Variants in PCDH15 observed in about 807,000 individuals in gnomAD.
PCDH15 encodes the protein protocadherin-15.
A neutral mutation model predicts 178.5 loss-of-function variants in PCDH15; 129 were observed. That is an observed-to-expected ratio of 0.72 (90% CI 0.63 to 0.84). PCDH15 has a LOEUF of 0.84. Ranked by LOEUF, PCDH15 falls within the 40% of genes least tolerant of loss-of-function variation. PCDH15 has a pLI of 0.00. For synonymous variants in PCDH15, 800 were observed against 732.0 expected, an observed-to-expected ratio of 1.09 and a Z score of -1.50; for missense variants, 2,230 against 2,099.9, an observed-to-expected ratio of 1.06 and a Z score of -1.21.
At position 54,696,910 on chromosome 10, in the gene PCDH15, C is replaced by A. The variant is rs539825455; in HGVS notation, c.-28-32620G>T. On this transcript the variant is annotated intron_variant, in intron 1 of 37. Transcript: ENST00000644397. ...ATGTGTATTTTTCCCCAACATCTCCCCTGACCATCAGGCTGTCATCTTATA... is the reference window on the plus strand; with the variant it reads ...ATGTGTATTTTTCCCCAACATCTCCACTGACCATCAGGCTGTCATCTTATA... Among the ~76,000 whole-genome samples the A allele has an allele frequency of 1.1e-4, 17 of 152,082 alleles. No homozygotes were observed. The South Asian group carries it at 3.5e-3, about 32-fold the overall frequency.
At chr10:55,589,410 C>T (rs904990282) in intron 2 of PCDH15, among the ~76,000 whole-genome samples, 7 of 151,992 alleles carry the variant, frequency 4.6e-5, no homozygotes, top group African/African-American at 1.4e-4. Context: ...TTCCATTGAT[C>T]TTCATGTCTA....
At chr10:55,017,706 C>T (rs1412940985) in intron 2 of PCDH15, among the ~76,000 whole-genome samples, 4 of 151,804 alleles carry the variant, frequency 2.6e-5, no homozygotes, top group African/African-American at 9.7e-5. Context: ...TATCTAGTGG[C>T]TACAACATGT....
At chr10:54,689,238 G>C (rs1228573248) in intron 1 of PCDH15, among the ~76,000 whole-genome samples, 6 of 152,034 alleles carry the variant, frequency 3.9e-5, no homozygotes, top group Non-Finnish European at 8.8e-5. Context: ...TAAAGTTTAT[G>C]AGCTAAGTGA....
At chr10:55,467,987 A>ATT in intron 2 of PCDH15, among the ~76,000 whole-genome samples, 1 of 148,438 alleles carries the variant, frequency 6.7e-6, no homozygotes, top group African/African-American at 2.5e-5. Flanking sequence ...AAAAAAAAAA[A>ATT]AAAAGAATTA....
chr10:55,533,866 A>G (rs1841512151), intron 2 of PCDH15, among the ~76,000 whole-genome samples: 1 of 152,076 alleles, frequency 6.6e-6, no homozygotes, highest in African/African-American at 2.4e-5. Context: ...ACAGCATAGT[A>G]TTGCTACAAA....
At chr10:54,946,002 T>C (rs1838189866) in intron 2 of PCDH15, among the ~76,000 whole-genome samples, 3 of 151,824 alleles carry the variant, frequency 2.0e-5, no homozygotes, top group Admixed American at 2.0e-4. Context: ...GTCAGTTAAT[T>C]TACCCTGAGA....
chr10:55,283,436 CCAGCT>C (rs1162080173), intron 1 of PCDH15, among the ~76,000 whole-genome samples: 4 of 152,046 alleles, frequency 2.6e-5, no homozygotes, highest in Admixed American at 2.6e-4. Context: ...TCTGGTACAG[CCAGCT>C]CTGCATGAAT....
chr10:55,277,954 A>G (rs1033776385), intron 1 of PCDH15, among the ~76,000 whole-genome samples: 3 of 152,140 alleles, frequency 2.0e-5, no homozygotes, highest in Non-Finnish European at 4.4e-5. Flanking sequence ...TTTCATTATT[A>G]CAGTCATTAG....
intron 3 of PCDH15, among the ~76,000 whole-genome samples, chr10:54,492,322 A>C (rs1341465834): frequency 6.6e-6 from 1 of 152,182 alleles, no homozygotes; most frequent in Non-Finnish European, 1.5e-5. Context: ...CAGCTGTCTG[A>C]GGCAAATACT....
At chr10:54,183,396 A>G in intron 13 of PCDH15, 48 bp downstream of exon 13, 1 of 1,528,390 alleles carries the variant, frequency 6.5e-7, no homozygotes, top group Non-Finnish European at 9.1e-7. Context: ...TATAATGCAC[A>G]TGTAAATAAC....
At chr10:55,469,479 G>A (rs759321402) in intron 2 of PCDH15, among the ~76,000 whole-genome samples, 2 of 151,866 alleles carry the variant, frequency 1.3e-5, no homozygotes, top group African/African-American at 4.8e-5. Flanking sequence ...TGTTTCCCTT[G>A]CCAGTATGTT....
At chr10:54,855,305 G>A (rs1333708883) in intron 3 of PCDH15, among the ~76,000 whole-genome samples, 2 of 152,172 alleles carry the variant, frequency 1.3e-5, no homozygotes, top group African/African-American at 2.4e-5. Context: ...GCATCCAGGA[G>A]GATGGGACTC....
At chr10:54,937,513 C>T (rs1481638397) in intron 2 of PCDH15, among the ~76,000 whole-genome samples, 2 of 151,652 alleles carry the variant, frequency 1.3e-5, no homozygotes, top group South Asian at 2.1e-4. Flanking sequence ...TCTAGTTCGC[C>T]GTGTCTAAGA....
chr10:55,337,198 A>G (rs1393283664), intron 2 of PCDH15, among the ~76,000 whole-genome samples: 2 of 152,228 alleles, frequency 1.3e-5, no homozygotes, highest in Non-Finnish European at 2.9e-5. Flanking sequence ...AATGAAAAAT[A>G]AAATAGGCAG....
intron 1 of PCDH15, among the ~76,000 whole-genome samples, chr10:55,209,788 A>T (rs1840510515): frequency 6.6e-6 from 1 of 152,114 alleles, no homozygotes; most frequent in Non-Finnish European, 1.5e-5. Flanking sequence ...TAATTAGTGA[A>T]AATACCAATT....
chr10:55,348,008 G>T (rs117573752), intron 2 of PCDH15, among the ~76,000 whole-genome samples: 3,495 of 151,956 alleles, frequency 0.023, 68 homozygotes, highest in Non-Finnish European at 0.038. Context: ...TGGAATTTTT[G>T]ATAATGTAGG....
At chr10:55,557,866 A>C (rs1356453352) in intron 2 of PCDH15, among the ~76,000 whole-genome samples, 1 of 152,146 alleles carries the variant, frequency 6.6e-6, no homozygotes, top group East Asian at 1.9e-4. Context: ...TTGGAGGTTT[A>C]CTTAGTGGTC....
At chr10:54,399,283 AAATAT>A (rs1437979560) in intron 3 of PCDH15, among the ~76,000 whole-genome samples, 3 of 151,578 alleles carry the variant, frequency 2.0e-5, no homozygotes, top group Non-Finnish European at 4.4e-5. Context: ...TTATATGATT[AAATAT>A]AATATAAATA....
At chr10:55,000,068 G>A (rs993607192) in intron 2 of PCDH15, among the ~76,000 whole-genome samples, 1 of 152,108 alleles carries the variant, frequency 6.6e-6, no homozygotes, top group African/African-American at 2.4e-5. Flanking sequence ...TGAAGTTTCG[G>A]GCATGCATTG....
Sources: allele counts gnomAD v4.1 joint callset (sites outside exome capture counted in the v4.1 genomes callset), GRCh38; gene constraint gnomAD v4.1.1; transcripts MANE v1.5; gene names NCBI Gene and HGNC (gene_info 2026-07-23, HGNC 2026-07-21).